MAPKAPK3: variants seen among roughly 807,000 people sequenced by gnomAD.
The protein encoded by MAPKAPK3 is MAPK activated protein kinase 3.
A neutral mutation model predicts 49.2 loss-of-function variants in MAPKAPK3; 35 were observed. That is an observed-to-expected ratio of 0.71 (90% CI 0.54 to 0.94). The LOEUF (loss-of-function observed/expected upper bound fraction) is 0.94, where lower values mean the gene tolerates loss of function less well. MAPKAPK3 is among the 40% of genes least tolerant of loss of function. MAPKAPK3 has a pLI of 0.00. For synonymous variants in MAPKAPK3, 178 were observed against 188.7 expected (o/e 0.94, Z 0.46); for missense variants, 398 against 493.1 (o/e 0.81, Z 1.83).
chr3:50,646,043 T>C, intron 7 of MAPKAPK3, 97 bp from the exon 8 acceptor site: 1 of 1,457,996 alleles, frequency 6.9e-7, no homozygotes, highest in Non-Finnish European at 9.4e-7. Flanking sequence ...CTATGGTGTC[T>C]GGTTGTCTGT....
chr3:50,649,171 A>T lies in MAPKAPK3; in HGVS notation c.*1125A>T, dbSNP rs2033375690. 6.6e-6 allele frequency: 1 copy of T among 152,364 alleles called. No individual in the cohort carries two copies. The highest frequency in any genetic ancestry group is 1.5e-5 in the Non-Finnish European group (1 of 68,162). The allele number at this position is 152,364 out of a possible 1,614,324, so 9.4% of individuals were successfully genotyped here. A position where few individuals can be genotyped will look rare whatever the true frequency, so the allele number is the denominator to read the frequency against. On this transcript the variant is annotated 3_prime_UTR_variant, in exon 11 of 11. Coordinates refer to ENST00000621469, the MANE Select transcript of MAPKAPK3 (RefSeq NM_001243925.2). ...TGATACTGCCTGACAAGTGCCTGAC[A>T]CGCAGCCTAGTTCCTTCCTGGCCCC...
chr3:50,617,112 T>TGGGGGGGGGGGGGGGGGGGGGGGGGGGGG (rs1293236414), upstream of MAPKAPK3: 1 of 4,416 alleles, frequency 2.3e-4, no homozygotes, highest in Non-Finnish European at 5.1e-4. Flanking sequence ...GAGGGGGGGG[T>TGGGGGGGGGGGGGGGGGGGGGGGGGGGGG]GGGGAGGGGG....
intron 3 of MAPKAPK3, 24 bp downstream of exon 3, chr3:50,640,529 A>ACACGCCCTCGGCATCC (rs2033155169): frequency 6.3e-7 from 1 of 1,583,266 alleles, no homozygotes. Context: ...CCCTGTCTCC[A>ACACGCCCTCGGCATCC]CACCCCCTCG....
intron 2 of MAPKAPK3, among the ~76,000 whole-genome samples, chr3:50,635,164 T>TA (rs1156781374): frequency 2.0e-5 from 3 of 152,198 alleles, no homozygotes; most frequent in Non-Finnish European, 2.9e-5. Flanking sequence ...ATGGAGCTCT[T>TA]ACTTTGGGAC....
chr3:50,636,111 A>C (rs1262553767), intron 2 of MAPKAPK3, among the ~76,000 whole-genome samples: 1 of 149,946 alleles, frequency 6.7e-6, no homozygotes, highest in Non-Finnish European at 1.5e-5. Context: ...ATTCTGTCTC[A>C]AAAAAAAAAT....
At chr3:50,620,870 TCTTG>T (rs1215210858) in intron 2 of MAPKAPK3, among the ~76,000 whole-genome samples, 2 of 152,174 alleles carry the variant, frequency 1.3e-5, no homozygotes, top group Non-Finnish European at 2.9e-5. Context: ...CCTGCTGACC[TCTTG>T]CTTGTGCCCT....
chr3:50,625,884 C>T (rs961078230), intron 2 of MAPKAPK3, among the ~76,000 whole-genome samples: 11 of 152,068 alleles, frequency 7.2e-5, no homozygotes, highest in African/African-American at 2.7e-4. Context: ...TCCTGGTCAG[C>T]GGGCAGCTCA....
At chr3:50,637,693 AAGAGAGAGAGAG>A (rs34205773) in intron 2 of MAPKAPK3, among the ~76,000 whole-genome samples, 72 of 144,370 alleles carry the variant, frequency 5.0e-4, no homozygotes, top group Non-Finnish European at 3.8e-4. Flanking sequence ...CAGAGAGAGA[AAGAGAGAGAGAG>A]AGAGAGAGAG....
chr3:50,617,397 C>A, intron 1 of MAPKAPK3, 117 bp from the exon 2 acceptor site: 1 of 581,156 alleles, frequency 1.7e-6, no homozygotes, highest in Admixed American at 3.0e-5. Context: ...ACTCTCAGGC[C>A]GTTCGTCCCG....
In MAPKAPK3 at chr3:50,644,484, A is replaced by AC; in HGVS notation, c.582dup (p.Thr195HisfsTer18). On this transcript the variant is annotated frameshift_variant, in exon 6 of 11. Coordinates refer to ENST00000621469, the MANE Select transcript of MAPKAPK3 (RefSeq NM_001243925.2). LOFTEE classifies it high-confidence loss of function. ...CACCGATTTTGGCTTTGCTAAGGAG[A>AC]CCACCCAAAATGCCCTGCAGACACC... 6.2e-7 allele frequency: 1 copy of AC among 1,614,142 alleles called. No homozygotes were observed. Among genetic ancestry groups the AC allele is most frequent in the Non-Finnish European group, 8.5e-7 (1 of 1,180,002 alleles).
chr3:50,628,391 C>A (rs763424693), intron 2 of MAPKAPK3, among the ~76,000 whole-genome samples: 1 of 152,170 alleles, frequency 6.6e-6, no homozygotes, highest in Non-Finnish European at 1.5e-5. Flanking sequence ...GAAGAGAGAC[C>A]ACTGATGGGA....
At chr3:50,614,500 A>AGTGT (rs3066739), upstream of MAPKAPK3, among the ~76,000 whole-genome samples, 16,737 of 138,734 alleles carry the variant, frequency 0.12, 1,432 homozygotes, top group African/African-American at 0.24. Context: ...GTAAGGACAG[A>AGTGT]GTGTGTGTGT....
intron 2 of MAPKAPK3, among the ~76,000 whole-genome samples, chr3:50,634,384 C>A (rs1045186105): frequency 3.9e-5 from 6 of 152,070 alleles, no homozygotes; most frequent in African/African-American, 1.4e-4. Context: ...CCATCACAGA[C>A]CCTCCAGTTC....
intron 2 of MAPKAPK3, among the ~76,000 whole-genome samples, chr3:50,633,612 G>A (rs934295486): frequency 3.3e-5 from 5 of 152,152 alleles, no homozygotes; most frequent in Admixed American, 1.3e-4. Context: ...GGTTGTCTGG[G>A]TGCTCTCTCA....
intron 6 of MAPKAPK3, among the ~76,000 whole-genome samples, chr3:50,645,139 G>A (rs1187113614): frequency 6.6e-6 from 1 of 152,182 alleles, no homozygotes. Context: ...CTGGAGGGCT[G>A]CTGAAGGGGT....
chr3:50,631,338 G>A (rs184101535), intron 2 of MAPKAPK3, among the ~76,000 whole-genome samples: 126 of 150,518 alleles, frequency 8.4e-4, no homozygotes, highest in African/African-American at 2.9e-3. Context: ...GGGAGGACAT[G>A]GGGGGCAGGA....
At chr3:50,638,655 G>A (rs1196542486) in intron 2 of MAPKAPK3, among the ~76,000 whole-genome samples, 3 of 152,208 alleles carry the variant, frequency 2.0e-5, no homozygotes, top group Non-Finnish European at 4.4e-5. Flanking sequence ...CAGAAAAGGA[G>A]GGACAGCCAA....
upstream of MAPKAPK3, among the ~76,000 whole-genome samples, chr3:50,613,457 G>A (rs1031522090): frequency 2.0e-5 from 3 of 152,210 alleles, no homozygotes; most frequent in East Asian, 5.8e-4. Flanking sequence ...TGGAATGGGG[G>A]TAGGGGGGAT....
chr3:50,645,902 C>G (rs996240629), intron 7 of MAPKAPK3, 117 bp downstream of exon 7: 40 of 1,036,828 alleles, frequency 3.9e-5, no homozygotes, highest in Non-Finnish European at 5.7e-5. Context: ...GTGTGTGTCA[C>G]TCCTCATGCA....
Sources: gnomAD v4.1 joint callset for allele counts (sites outside exome capture counted in the v4.1 genomes callset) on GRCh38, gnomAD v4.1.1 for gene constraint, MANE v1.5 for transcripts, NCBI Gene and HGNC (gene_info 2026-07-23, HGNC 2026-07-21) for gene names.